PLPP5: variants seen among roughly 807,000 people sequenced by gnomAD.
The protein encoded by PLPP5 is diacylglycerol pyrophosphate like 1.
A neutral mutation model predicts 23.6 loss-of-function variants in PLPP5; 29 were observed. The ratio of observed to expected loss-of-function variants is 1.23; its 90% CI spans 0.92 to 1.68. The LOEUF (loss-of-function observed/expected upper bound fraction) is 1.68. Among genes scored for constraint, PLPP5 ranks in the 40% most tolerant of loss-of-function variants. PLPP5 has a pLI of 0.00. For missense variants in PLPP5, 315 were observed against 332.1 expected (o/e 0.95, Z 0.40); for synonymous variants, 143 against 131.3 (o/e 1.09, Z -0.61).
chr8:38,265,122 C>T (rs1226094442), intron 6 of PLPP5: 10 of 570,632 alleles, frequency 1.8e-5, no homozygotes, highest in South Asian at 4.1e-5. Context: ...AAAAATTAGC[C>T]GGGCGTGGTG....
At position 38,264,035 on chromosome 8, in the gene PLPP5, TG is replaced by T; in HGVS notation, c.*408del. 1.0e-6 allele frequency: 1 copy of T among 987,584 alleles called. No individual in the cohort carries two copies. Among genetic ancestry groups the T allele is most frequent in the Non-Finnish European group, 1.2e-6 (1 of 831,442 alleles). 61.2% of individuals were successfully genotyped at this position (987,584 alleles called of 1,614,324 possible). On this transcript the variant is annotated 3_prime_UTR_variant, in exon 7 of 7. Transcript: ENST00000424479. ...GTAATCATTTGGAGGCAGAATACAG[TG>T]TGGCTTATGTCCTCACTTGCACCTT...
intron 5 of PLPP5, chr8:38,266,534 G>A (rs961714156): frequency 1.4e-4 from 65 of 455,164 alleles, no homozygotes; most frequent in African/African-American, 1.1e-3. Flanking sequence ...CCGAGTAGCT[G>A]GGACTCCATG....
intron 6 of PLPP5, chr8:38,265,764 C>T (rs1688435775): frequency 6.2e-6 from 1 of 161,096 alleles, no homozygotes; most frequent in African/African-American, 2.4e-5. Flanking sequence ...TAGCATTCAG[C>T]TTAAATTTGT....
rs1429213582 is a variant in PLPP5 at position 38,267,890 on chromosome 8, CACTT to C, written c.338+3_338+6del. ...AGATGCTGGGGTGGTTAGCTGTTGT[CACTT>C]ACCTCCCTACGATCAGTTTTATTGT... On this transcript the variant is annotated splice_donor_5th_base_variant and intron_variant, in intron 4 of 6. Coordinates refer to ENST00000424479, the MANE Select transcript of PLPP5 (RefSeq NM_001102559.2). The C allele has an allele frequency of 1.2e-5, 20 of 1,613,762 alleles. No homozygotes were observed. Among genetic ancestry groups the C allele is most frequent in the Non-Finnish European group, 1.4e-5 (17 of 1,179,812 alleles).
intron 6 of PLPP5, among the ~76,000 whole-genome samples, chr8:38,265,258 C>A (rs1807412676): frequency 8.3e-6 from 1 of 120,228 alleles, no homozygotes. Context: ...GAGCTAGACT[C>A]TGTCTCAAAA....
chr8:38,268,724 GGATCTTAAACACTCGAGCCCT>G, intron 2 of PLPP5, 137 bp downstream of exon 2: 1 of 1,433,952 alleles, frequency 7.0e-7, no homozygotes, highest in Non-Finnish European at 9.1e-7. Context: ...CTCTCAATCA[GGATCTTAAACACTCGAGCCCT>G]AGGAGGCGGA....
Position 38,264,599 on chromosome 8 carries a change from G to C in PLPP5, c.640C>G (p.Leu214Val). The C allele has an allele frequency of 6.3e-7, 1 of 1,593,404 alleles. No homozygotes were observed. The highest frequency in any genetic ancestry group is 8.6e-7 in the Non-Finnish European group (1 of 1,169,546). The change falls in exon 7 of 7, where the codon CTA becomes GTA. Residue 214 changes from leucine to valine, a missense_variant. Transcript: ENST00000424479. ...GTCATTCCAATCATGGATCCAACTA[G>C]TACATCTGAAGAGAGTGGAAACAAG... ...CDYKHHWQDV[L>V]VGSMIGMTFA... is the part of the protein sequence containing the mutation.
chr8:38,266,915 G>T, intron 5 of PLPP5: 2 of 524,160 alleles, frequency 3.8e-6, no homozygotes, highest in Non-Finnish European at 5.6e-6. Context: ...CCACCTCATT[G>T]GATTATTGTG....
intron 6 of PLPP5, 81 bp downstream of exon 6, chr8:38,266,060 G>T: frequency 7.7e-7 from 1 of 1,296,316 alleles, no homozygotes; most frequent in Non-Finnish European, 1.1e-6. Flanking sequence ...CAGATATTTA[G>T]TAAGCATCTC....
chr8:38,263,608 A>C lies in PLPP5; in HGVS notation c.*836T>G. On this transcript the variant is annotated 3_prime_UTR_variant, in exon 7 of 7. Coordinates refer to ENST00000424479, the MANE Select transcript of PLPP5 (RefSeq NM_001102559.2). ...AGTACCAGATGGCTGGACTCAGATA[A>C]GATGCACACAAAAGTGATAAATTAC... 1.0e-6 allele frequency: 1 copy of C among 985,440 alleles called. No homozygotes were observed. Among genetic ancestry groups the C allele is most frequent in the African/African-American group, 1.7e-5 (1 of 57,372 alleles). The allele number at this position is 985,440 out of a possible 1,614,324, so 61.0% of individuals were successfully genotyped here.
intron 3 of PLPP5, 124 bp downstream of exon 3, chr8:38,268,247 G>A: frequency 2.8e-6 from 3 of 1,087,966 alleles, no homozygotes; most frequent in Non-Finnish European, 2.6e-6. Flanking sequence ...TCTCCCGCGG[G>A]GATAGAGTTC....
At chr8:38,267,655 A>T in intron 4 of PLPP5, 1 of 621,576 alleles carries the variant, frequency 1.6e-6, no homozygotes, top group Non-Finnish European at 2.8e-6. Context: ...GGTGCTCAAG[A>T]GGACACTGAC....
At position 38,266,274 on chromosome 8, in the gene PLPP5, C is replaced by T; in HGVS notation, c.501G>A (p.Leu167=). Reference sequence around the variant, plus strand: ...GTGTGAAGCAGTGTAACTTCCCTGCCAGGTAGAAGGACGCAAAGGCCAGAC... The same window carrying T: ...GTGTGAAGCAGTGTAACTTCCCTGCTAGGTAGAAGGACGCAAAGGCCAGAC... The part of the protein sequence containing the change: ...FAGLAFASFY[L]AGKLHCFTPQ... Residue 167 remains leucine, a synonymous_variant, in exon 6 of 7, where the codon CTG becomes CTA. Coordinates refer to ENST00000424479, the MANE Select transcript of PLPP5 (RefSeq NM_001102559.2). The T allele has an allele frequency of 6.2e-7, 1 of 1,613,590 alleles. No homozygotes were observed. The highest frequency in any genetic ancestry group is 8.5e-7 in the Non-Finnish European group (1 of 1,179,718).
Position 38,263,280 on chromosome 8 carries a change from T to C in PLPP5, c.*1164A>G. 1 of 583,236 alleles carries C rather than the reference T, an allele frequency of 1.7e-6. No individual in the cohort carries two copies. Among genetic ancestry groups the C allele is most frequent in the Non-Finnish European group, 2.2e-6 (1 of 462,788 alleles). 36.1% of individuals were successfully genotyped at this position (583,236 alleles called of 1,614,324 possible). On this transcript the variant is annotated 3_prime_UTR_variant, in exon 7 of 7. Transcript: ENST00000424479. ...TGGCATCCATTCTGATGACATCCCATAATTGTTCCTTATATTCCATTGTGA... is the reference window on the plus strand; with the variant it reads ...TGGCATCCATTCTGATGACATCCCACAATTGTTCCTTATATTCCATTGTGA...
At chr8:38,267,066 G>A (rs1807728602) in intron 5 of PLPP5, 1 of 1,429,030 alleles carries the variant, frequency 7.0e-7, no homozygotes, top group Non-Finnish European at 9.2e-7. Flanking sequence ...ATCTCATGAA[G>A]GTAAACTACC....
chr8:38,267,172 A>G, intron 5 of PLPP5, 95 bp downstream of exon 5: 1 of 1,606,784 alleles, frequency 6.2e-7, no homozygotes, highest in Non-Finnish European at 8.5e-7. Context: ...TTGTAGAAAC[A>G]AGAGTAGTCA....
At position 38,263,391 on chromosome 8, in the gene PLPP5, G is replaced by A; in HGVS notation, c.*1053C>T. ...CTACCTTAGTCACTTGGCAGTGTTGGTGCATTTGAGCAGATCTTCAGTCAT... is the reference window on the plus strand; with the variant it reads ...CTACCTTAGTCACTTGGCAGTGTTGATGCATTTGAGCAGATCTTCAGTCAT... On this transcript the variant is annotated 3_prime_UTR_variant, in exon 7 of 7. Transcript: ENST00000424479. 1 of 985,372 alleles carries A rather than the reference G, an allele frequency of 1.0e-6. No homozygotes were observed. Among genetic ancestry groups the A allele is most frequent in the Non-Finnish European group, 1.2e-6 (1 of 829,914 alleles). 61.0% of individuals were successfully genotyped at this position (985,372 alleles called of 1,614,324 possible).
rs1406179941 is a variant in PLPP5, at chr8:38,267,920, G to C, written c.315C>G (p.Asn105Lys). 2 of 1,613,902 alleles carry C rather than the reference G, an allele frequency of 1.2e-6. No homozygotes were observed. Among genetic ancestry groups the C allele is most frequent in the Non-Finnish European group, 1.7e-6 (2 of 1,179,910 alleles). ...ACCTCCCTACGATCAGTTTTATTGT[G>C]TTGGTAAAGACGCCATTCAGAGCCA... ...LALALNGVFT[N>K]TIKLIVGRPR... The change falls in exon 4 of 7, where the codon AAC (asparagine) becomes AAG (lysine). Residue 105 changes from asparagine to lysine, a missense_variant. Coordinates refer to ENST00000424479, the MANE Select transcript of PLPP5 (RefSeq NM_001102559.2).
chr8:38,265,012 T>A, intron 6 of PLPP5: 2 of 1,134,298 alleles, frequency 1.8e-6, no homozygotes, highest in Non-Finnish European at 2.7e-6. Flanking sequence ...CTCACGCCTG[T>A]AATCCCAGCA....
Sources: gnomAD v4.1 joint callset for allele counts (sites outside exome capture counted in the v4.1 genomes callset) on GRCh38, gnomAD v4.1.1 for gene constraint, MANE v1.5 for transcripts, NCBI Gene and HGNC (gene_info 2026-07-23, HGNC 2026-07-21) for gene names.